Variants in GLDN observed in about 807,000 individuals in gnomAD.
GLDN encodes the protein collomin.
Under a neutral mutation model 56.5 loss-of-function variants are expected in GLDN, and 47 were observed. That is an observed-to-expected ratio of 0.83 (90% CI 0.66 to 1.06). The LOEUF (loss-of-function observed/expected upper bound fraction) is 1.06, where lower values mean the gene tolerates loss of function less well. Ranked by LOEUF, GLDN falls within the 50% of genes least tolerant of loss-of-function variation. GLDN has a pLI of 0.00. For synonymous variants in GLDN, 332 were observed against 278.8 expected, an observed-to-expected ratio of 1.19 and a Z score of -1.90; for missense variants, 782 against 714.3, an observed-to-expected ratio of 1.09 and a Z score of -1.08.
intron 1 of GLDN, among the ~76,000 whole-genome samples, chr15:51,355,724 C>T (rs193211451): frequency 0.024 from 3,515 of 149,514 alleles, 133 homozygotes; most frequent in African/African-American, 0.076. Flanking sequence ...GGGGTTTCAC[C>T]GTGTTAGCCG....
rs754088387 is a variant in GLDN at position 51,404,432 on chromosome 15, C to T, written c.1334C>T (p.Ser445Leu). Residue 445 changes from serine (S) to leucine (L), a missense_variant, in exon 10 of 10, where the codon TCG (serine) becomes TTG (leucine). Ser to Leu is a moderately radical substitution (Grantham distance 145, BLOSUM62 -2). Coordinates refer to ENST00000335449, the MANE Select transcript of GLDN (RefSeq NM_181789.4). ...ATCTATGCGTCAAGTGTGGACGGCT[C>T]GAGCATTCTTGTAGCACAACTGGAT... ...WIIYASSVDG[S>L]SILVAQLDER... is the part of the protein sequence containing the mutation. The T allele has an allele frequency of 5.6e-6, 9 of 1,614,104 alleles. No homozygotes were observed. The highest frequency in any genetic ancestry group is 2.2e-5 in the South Asian group (2 of 91,050).
intron 6 of GLDN, 90 bp from the exon 7 acceptor site, chr15:51,400,102 A>G: frequency 9.2e-7 from 1 of 1,090,276 alleles, no homozygotes; most frequent in Non-Finnish European, 1.4e-6. Flanking sequence ...TAGAGTCTGG[A>G]ATGAGGTGGG....
intron 1 of GLDN, among the ~76,000 whole-genome samples, chr15:51,350,208 T>C (rs2037051476): frequency 6.6e-6 from 1 of 152,210 alleles, no homozygotes. Flanking sequence ...GGCTGCTTGC[T>C]GGCTTCCCAA....
intron 1 of GLDN, among the ~76,000 whole-genome samples, chr15:51,352,186 G>T (rs2037089033): frequency 6.6e-6 from 1 of 152,034 alleles, no homozygotes; most frequent in East Asian, 1.9e-4. Flanking sequence ...GTTCATAGAT[G>T]GCACCTTCTC....
chr15:51,374,436 A>C (rs149868307), intron 1 of GLDN, among the ~76,000 whole-genome samples: 69 of 152,360 alleles, frequency 4.5e-4, no homozygotes, highest in African/African-American at 1.6e-3. Context: ...ATGTTAAGAT[A>C]ATCACCAGAG....
In GLDN at chr15:51,341,800, G is replaced by T. The variant is rs1379341935; in HGVS notation, c.116G>T (p.Cys39Phe). The T allele has an allele frequency of 2.0e-6, 3 of 1,512,578 alleles. No homozygotes were observed. The highest frequency in any genetic ancestry group is 1.4e-5 in the African/African-American group (1 of 69,486). 93.7% of individuals were successfully genotyped at this position (1,512,578 alleles called of 1,614,324 possible). Residue 39 changes from cysteine (C) to phenylalanine (F), a missense_variant, in exon 1 of 10, where the codon TGC becomes TTC. Physicochemically the swap from Cys to Phe is radical, Grantham distance 205 (BLOSUM62 -2). Coordinates refer to ENST00000335449, the MANE Select transcript of GLDN (RefSeq NM_181789.4). ...LNAAGTVFAL[C>F]QWRGLSSALR... is the part of the protein sequence containing the mutation. ...GCTGCGGGCACGGTGTTCGCGCTGTGCCAGTGGCGCGGGCTGAGCTCGGCG... is the reference window on the plus strand; with the variant it reads ...GCTGCGGGCACGGTGTTCGCGCTGTTCCAGTGGCGCGGGCTGAGCTCGGCG...
intron 9 of GLDN, 55 bp from the exon 10 acceptor site, chr15:51,404,222 A>T: frequency 7.3e-7 from 1 of 1,372,798 alleles, no homozygotes; most frequent in Non-Finnish European, 9.9e-7. Flanking sequence ...CTAATAAACC[A>T]CCTGTCCACA....
At chr15:51,410,382 C>T (rs564770423), downstream of GLDN, among the ~76,000 whole-genome samples, 35 of 152,326 alleles carry the variant, frequency 2.3e-4, no homozygotes, top group African/African-American at 7.7e-4. Flanking sequence ...TGCAGAGAGC[C>T]GCTTTGCCCA....
chr15:51,380,757 G>C (rs760534902), intron 2 of GLDN, among the ~76,000 whole-genome samples: 8 of 152,026 alleles, frequency 5.3e-5, no homozygotes, highest in Admixed American at 1.3e-4. Context: ...CTCCCCAGGT[G>C]GGGTGTGGCC....
chr15:51,372,054 T>G (rs534085736), intron 1 of GLDN, among the ~76,000 whole-genome samples: 15 of 152,296 alleles, frequency 9.8e-5, no homozygotes, highest in Non-Finnish European at 1.9e-4. Flanking sequence ...CGTGACAGCC[T>G]TCTTGTTGGT....
chr15:51,400,330 ATAATTGG>A (rs1566952104), intron 7 of GLDN, 36 bp from the exon 8 acceptor site: 1 of 1,614,140 alleles, frequency 6.2e-7, no homozygotes, highest in South Asian at 1.1e-5. Flanking sequence ...CCTTCAAGTC[ATAATTGG>A]CAGGCAAGTG....
intron 1 of GLDN, among the ~76,000 whole-genome samples, chr15:51,363,104 G>T (rs1223577175): frequency 6.6e-6 from 1 of 152,172 alleles, no homozygotes; most frequent in Non-Finnish European, 1.5e-5. Flanking sequence ...TTGTTACATT[G>T]AGATGTTCAT....
intron 1 of GLDN, among the ~76,000 whole-genome samples, chr15:51,361,483 A>T (rs1857317439): frequency 6.6e-6 from 1 of 152,164 alleles, no homozygotes; most frequent in South Asian, 2.1e-4. Context: ...ACATTAAAAA[A>T]ATCCCATCCT....
chr15:51,391,444 C>G (rs1054473643), intron 4 of GLDN, among the ~76,000 whole-genome samples: 2 of 152,226 alleles, frequency 1.3e-5, no homozygotes, highest in Non-Finnish European at 2.9e-5. Context: ...ACTGCTAAAA[C>G]TGGGTCATGT....
chr15:51,377,550 C>G (rs781144644), intron 2 of GLDN, 50 bp downstream of exon 2: 5 of 1,479,770 alleles, frequency 3.4e-6, no homozygotes, highest in African/African-American at 1.4e-5. Context: ...ACTTGTGCCG[C>G]TGAAGGCCCG....
At chr15:51,381,583 C>A (rs1211366158) in intron 2 of GLDN, among the ~76,000 whole-genome samples, 2 of 152,128 alleles carry the variant, frequency 1.3e-5, no homozygotes, top group Non-Finnish European at 2.9e-5. Flanking sequence ...AGCCTCTATC[C>A]ATCTGTATTG....
chr15:51,352,920 C>A (rs752652457), intron 1 of GLDN, among the ~76,000 whole-genome samples: 4 of 145,244 alleles, frequency 2.8e-5, no homozygotes, highest in Non-Finnish European at 5.9e-5. Context: ...GCTTGGGAAG[C>A]ACAGCACCTT....
chr15:51,379,088 C>T (rs759308165), intron 2 of GLDN, among the ~76,000 whole-genome samples: 4 of 152,366 alleles, frequency 2.6e-5, no homozygotes, highest in Middle Eastern at 3.4e-3. Context: ...CCTTGCCCAG[C>T]TGTTGCTGCT....
intron 1 of GLDN, among the ~76,000 whole-genome samples, chr15:51,355,737 A>G (rs547246487): frequency 1.3e-5 from 2 of 148,524 alleles, no homozygotes; most frequent in South Asian, 4.3e-4. Flanking sequence ...GTTAGCCGGG[A>G]TGGTCTTGAT....
Sources: gnomAD v4.1 joint callset for allele counts (sites outside exome capture counted in the v4.1 genomes callset) on GRCh38, gnomAD v4.1.1 for gene constraint, MANE v1.5 for transcripts, NCBI Gene and HGNC (gene_info 2026-07-23, HGNC 2026-07-21) for gene names.